Variants in TMEM131 observed in about 807,000 individuals in gnomAD.
The protein encoded by TMEM131 is transmembrane protein 131.
In TMEM131, 66 loss-of-function variants were observed where a neutral mutation model predicts 211.6. That is an observed-to-expected ratio of 0.31 (90% CI 0.26 to 0.38). The LOEUF is 0.38. TMEM131 is among the 10% of genes least tolerant of loss of function. TMEM131 has a pLI of 1.00. For synonymous variants in TMEM131, 844 were observed against 841.3 expected, an observed-to-expected ratio of 1.00 and a Z score of -0.06; for missense variants, 2,036 against 2,299.3, an observed-to-expected ratio of 0.89 and a Z score of 2.34.
intron 4 of TMEM131, among the ~76,000 whole-genome samples, chr2:97,868,629 C>T (rs1208013792): frequency 6.6e-6 from 1 of 152,120 alleles, no homozygotes; most frequent in Non-Finnish European, 1.5e-5. Context: ...CTGTGGCTGA[C>T]GTTCTGTAGA....
chr2:97,954,676 T>C (rs1311181146), intron 1 of TMEM131, among the ~76,000 whole-genome samples: 2 of 151,590 alleles, frequency 1.3e-5, no homozygotes, highest in African/African-American at 4.8e-5. Context: ...CGTGGTGGCG[T>C]GCGCCTGTAG....
chr2:97,957,586 G>C (rs564732222), intron 1 of TMEM131, among the ~76,000 whole-genome samples: 1 of 152,000 alleles, frequency 6.6e-6, no homozygotes, highest in South Asian at 2.1e-4. Context: ...TCTCATTGTG[G>C]GATGAGGCAA....
In TMEM131 at chr2:97,792,709, T is replaced by C; in HGVS notation, c.3821A>G (p.His1274Arg). Reference protein sequence around the residue: ...VLDSNTVTQGHTAGRKSKGAK... With the variant: ...VLDSNTVTQGRTAGRKSKGAK... ...CCCTTTGGACTTTCTGCCCGCTGTATGACCTTGAGTCACTGTGTTCGAATC... is the reference window on the plus strand; with the variant it reads ...CCCTTTGGACTTTCTGCCCGCTGTACGACCTTGAGTCACTGTGTTCGAATC... Residue 1274 changes from histidine to arginine, a missense_variant, in exon 31 of 41, where the codon CAT becomes CGT. His to Arg is a conservative substitution (Grantham distance 29). Transcript: ENST00000186436. The C allele has an allele frequency of 1.2e-6, 2 of 1,614,064 alleles. No homozygotes were observed. Among genetic ancestry groups the C allele is most frequent in the Non-Finnish European group, 1.7e-6 (2 of 1,179,902 alleles).
chr2:97,811,611 C>T (rs558945004), intron 17 of TMEM131, among the ~76,000 whole-genome samples: 1 of 152,346 alleles, frequency 6.6e-6, no homozygotes, highest in South Asian at 2.1e-4. Context: ...GGCTCTGCTT[C>T]AAGCTGTGGA....
rs189218049 is a variant in TMEM131 at position 97,936,540 on chromosome 2, G to A, written c.188-9053C>T. Reference sequence around the variant, plus strand: ...AAGATGGGGAGAATTACTGGTTCCAGGTTTTTAAGGAAATCTCTGTTCAAT... The same window carrying A: ...AAGATGGGGAGAATTACTGGTTCCAAGTTTTTAAGGAAATCTCTGTTCAAT... On this transcript the variant is annotated intron_variant, in intron 1 of 40. Coordinates refer to ENST00000186436, the MANE Select transcript of TMEM131 (RefSeq NM_015348.2). Among the ~76,000 whole-genome samples, 568 of 152,306 alleles carry A rather than the reference G, an allele frequency of 3.7e-3. 1 individual carries two copies. The highest frequency in any genetic ancestry group is 8.5e-3 in the Admixed American group (130 of 15,296).
intron 19 of TMEM131, among the ~76,000 whole-genome samples, chr2:97,806,852 C>T (rs1393086880): frequency 6.6e-6 from 1 of 152,070 alleles, no homozygotes; most frequent in Non-Finnish European, 1.5e-5. Context: ...GACTGTGACA[C>T]TGAGGCCAGC....
chr2:97,887,945 T>C, intron 4 of TMEM131, 107 bp downstream of exon 4: 4 of 845,876 alleles, frequency 4.7e-6, no homozygotes, highest in South Asian at 3.4e-5. Context: ...GACTAGAACA[T>C]GTAACTTTCC....
intron 4 of TMEM131, among the ~76,000 whole-genome samples, chr2:97,861,522 T>C (rs1179287236): frequency 6.6e-6 from 1 of 151,648 alleles, no homozygotes; most frequent in East Asian, 2.0e-4. Context: ...CTGGCAGCAT[T>C]TACCACAAGC....
At position 97,797,136 on chromosome 2, in the gene TMEM131, GAA is replaced by G. The variant is rs1212987878; in HGVS notation, c.2871-152_2871-151del. 3 of 980,664 alleles carry G rather than the reference GAA, an allele frequency of 3.1e-6. No homozygotes were observed. In the Admixed American group the frequency reaches 9.1e-5, roughly 30 times the overall value. The allele number at this position is 980,664 out of a possible 1,614,324, so 60.7% of individuals were successfully genotyped here. ...CTTTAAGAATTCAAAAATACACAGA[GAA>G]GAGCAAGTTTTTATTTTTAAGAGAC... On this transcript the variant is annotated intron_variant, in intron 26 of 40. Transcript: ENST00000186436.
At chr2:97,874,032 A>G (rs964340476) in intron 4 of TMEM131, among the ~76,000 whole-genome samples, 1 of 152,208 alleles carries the variant, frequency 6.6e-6, no homozygotes, top group African/African-American at 2.4e-5. Flanking sequence ...AACATAAATG[A>G]CCCGATGGAG....
At chr2:97,798,733 G>A (rs914221913) in intron 25 of TMEM131, among the ~76,000 whole-genome samples, 1 of 152,200 alleles carries the variant, frequency 6.6e-6, no homozygotes, top group African/African-American at 2.4e-5. Flanking sequence ...AAATGTATGC[G>A]TGCGTCAGCA....
At position 97,859,362 on chromosome 2, in the gene TMEM131, G is replaced by A; in HGVS notation, c.425C>T (p.Thr142Ile). ...LHNPSSEETI[T>I]LVSISATTSH... is the part of the protein sequence containing the mutation. ...TGTTGTAGCAGATATTGATACTAAAGTAATCGTTTCTTCAGAACTAGGATT... is the reference window on the plus strand; with the variant it reads ...TGTTGTAGCAGATATTGATACTAAAATAATCGTTTCTTCAGAACTAGGATT... Residue 142 changes from threonine to isoleucine, a missense_variant, in exon 5 of 41, where the codon ACT (threonine) becomes ATT (isoleucine). Thr to Ile is a moderately conservative substitution (Grantham distance 89, BLOSUM62 -1). Coordinates refer to ENST00000186436, the MANE Select transcript of TMEM131 (RefSeq NM_015348.2). The A allele has an allele frequency of 6.2e-7, 1 of 1,601,540 alleles. No homozygotes were observed. The highest frequency in any genetic ancestry group is 1.3e-5 in the African/African-American group (1 of 74,314).
intron 4 of TMEM131, among the ~76,000 whole-genome samples, chr2:97,873,800 CAGA>C (rs1329821460): frequency 3.3e-5 from 5 of 152,176 alleles, no homozygotes; most frequent in Admixed American, 3.3e-4. Context: ...TTCCAAAAAT[CAGA>C]AGGTCTCTTC....
intron 2 of TMEM131, among the ~76,000 whole-genome samples, chr2:97,923,307 A>G (rs778548379): frequency 1.3e-5 from 2 of 151,948 alleles, no homozygotes; most frequent in Non-Finnish European, 2.9e-5. Context: ...AAAATAAAAT[A>G]AAACAGGACT....
At chr2:97,955,357 C>T (rs997261207) in intron 1 of TMEM131, among the ~76,000 whole-genome samples, 43 of 152,064 alleles carry the variant, frequency 2.8e-4, no homozygotes, top group African/African-American at 9.7e-4. Flanking sequence ...AAAATCTATA[C>T]CTTAATGGTG....
rs542556330 is a variant in TMEM131 at position 97,992,968 on chromosome 2, C to T, written c.187+2508G>A. On this transcript the variant is annotated intron_variant, in intron 1 of 40. Coordinates refer to ENST00000186436, the MANE Select transcript of TMEM131 (RefSeq NM_015348.2). ...CCTCTGGACTAGTGATAGCACACTC[C>T]CATAGCTCAGTTAAGTCATATAGGA... Among the ~76,000 whole-genome samples, 60 of 152,266 alleles carry T rather than the reference C, an allele frequency of 3.9e-4. No individual in the cohort carries two copies. In the South Asian group the frequency reaches 0.011, roughly 29 times the overall value.
At chr2:97,919,212 A>G (rs1676636915) in intron 2 of TMEM131, among the ~76,000 whole-genome samples, 1 of 152,230 alleles carries the variant, frequency 6.6e-6, no homozygotes, top group African/African-American at 2.4e-5. Flanking sequence ...CAAAGTATAC[A>G]TTCATTTAGT....
At chr2:97,799,890 G>T (rs1680944470) in intron 25 of TMEM131, among the ~76,000 whole-genome samples, 1 of 152,084 alleles carries the variant, frequency 6.6e-6, no homozygotes. Context: ...GAATGTAGAG[G>T]CAGATATGAG....
intron 3 of TMEM131, among the ~76,000 whole-genome samples, chr2:97,898,131 T>C (rs928275238): frequency 6.6e-5 from 10 of 152,120 alleles, no homozygotes; most frequent in African/African-American, 1.7e-4. Flanking sequence ...TTAGTTTACA[T>C]TGATTTTTTT....
Sources: gnomAD v4.1 joint callset for allele counts (sites outside exome capture counted in the v4.1 genomes callset) on GRCh38, gnomAD v4.1.1 for gene constraint, MANE v1.5 for transcripts, NCBI Gene and HGNC (gene_info 2026-07-23, HGNC 2026-07-21) for gene names.